OSBP2: variants seen among roughly 807,000 people sequenced by gnomAD.
The protein encoded by OSBP2 is oxysterol-binding protein 2.
OSBP2 carries 66 observed loss-of-function variants against 96.0 expected under a neutral mutation model. The observed-to-expected ratio is 0.69, with a 90% CI of 0.56 to 0.84. The LOEUF (loss-of-function observed/expected upper bound fraction) is 0.84, where lower values mean the gene tolerates loss of function less well. Among genes scored for constraint, OSBP2 ranks in the 40% least tolerant of loss-of-function variants. OSBP2 has a pLI of 0.00. For missense variants in OSBP2, 1,038 were observed against 1,222.7 expected (o/e 0.85, Z 2.25); for synonymous variants, 525 against 520.9 (o/e 1.01, Z -0.11).
At chr22:30,802,052 C>G (rs1179460833) in intron 2 of OSBP2, among the ~76,000 whole-genome samples, 3 of 152,200 alleles carry the variant, frequency 2.0e-5, no homozygotes, top group Non-Finnish European at 4.4e-5. Context: ...GTATCCTCAT[C>G]TTGGACTCCA....
chr22:30,842,419 G>C (rs955335890), intron 2 of OSBP2, among the ~76,000 whole-genome samples: 1 of 152,030 alleles, frequency 6.6e-6, no homozygotes, highest in Non-Finnish European at 1.5e-5. Context: ...TGATCAGCGT[G>C]GTGATTGCTG....
At chr22:30,721,845 A>T (rs1046537306) in intron 1 of OSBP2, among the ~76,000 whole-genome samples, 1 of 152,178 alleles carries the variant, frequency 6.6e-6, no homozygotes, top group African/African-American at 2.4e-5. Flanking sequence ...TCAATCTTTC[A>T]CTTGGCTTAG....
At chr22:30,749,260 T>A (rs1187381523) in intron 2 of OSBP2, among the ~76,000 whole-genome samples, 1 of 152,226 alleles carries the variant, frequency 6.6e-6, no homozygotes, top group Non-Finnish European at 1.5e-5. Flanking sequence ...TATTTTTAAA[T>A]CAAAACCTAC....
intron 12 of OSBP2, among the ~76,000 whole-genome samples, chr22:30,905,525 A>G (rs2147201612): frequency 6.6e-6 from 1 of 152,308 alleles, no homozygotes; most frequent in East Asian, 1.9e-4. Context: ...AAAAAAAAAC[A>G]TAATAGAAAA....
intron 2 of OSBP2, among the ~76,000 whole-genome samples, chr22:30,831,370 T>C (rs959820077): frequency 6.6e-6 from 1 of 152,234 alleles, no homozygotes; most frequent in Non-Finnish European, 1.5e-5. Flanking sequence ...GCTCGTCAGC[T>C]GCACTGTCTC....
chr22:30,856,588 C>T (rs532422668), intron 2 of OSBP2, among the ~76,000 whole-genome samples: 1,554 of 151,494 alleles, frequency 0.01, 24 homozygotes, highest in African/African-American at 0.034. Context: ...GATTTTGCCA[C>T]GTTGGTCAGG....
At chr22:30,797,136 A>G (rs938210093) in intron 2 of OSBP2, among the ~76,000 whole-genome samples, 1 of 152,132 alleles carries the variant, frequency 6.6e-6, no homozygotes, top group African/African-American at 2.4e-5. Context: ...CCTTAGCATA[A>G]TGTCTTCCAG....
At chr22:30,844,852 C>T (rs1448585844) in intron 2 of OSBP2, among the ~76,000 whole-genome samples, 1 of 152,150 alleles carries the variant, frequency 6.6e-6, no homozygotes, top group Non-Finnish European at 1.5e-5. Flanking sequence ...TGGTTTTTAG[C>T]TTTTGATTTA....
At chr22:30,857,915 G>T (rs188463694) in intron 2 of OSBP2, among the ~76,000 whole-genome samples, 1 of 152,084 alleles carries the variant, frequency 6.6e-6, no homozygotes, top group Non-Finnish European at 1.5e-5. Context: ...TGCAGAACTC[G>T]GCCAACCCAG....
intron 2 of OSBP2, among the ~76,000 whole-genome samples, chr22:30,855,038 T>A (rs928485637): frequency 2.0e-5 from 3 of 152,182 alleles, no homozygotes; most frequent in Non-Finnish European, 2.9e-5. Flanking sequence ...GGGAAACTGC[T>A]TGCATGATTC....
rs1236082989 is a variant in OSBP2 at position 30,802,898 on chromosome 22, TC to T, written c.853+61531del. On this transcript the variant is annotated intron_variant, in intron 2 of 13. Transcript: ENST00000332585. ...GGAGCGGGCGCACGGCTCCTCTAGG[TC>T]CGGCTGCTCTCTGAGCTCGCGGGCT... Among the ~76,000 whole-genome samples, 6 of 152,018 alleles carry T rather than the reference TC, an allele frequency of 3.9e-5. No homozygotes were observed. In the East Asian group the frequency reaches 1.2e-3, roughly 30 times the overall value.
At chr22:30,894,229 C>A in intron 12 of OSBP2, 1 of 509,506 alleles carries the variant, frequency 2.0e-6, no homozygotes, top group East Asian at 3.0e-5. Context: ...TAGGACAGAG[C>A]CCCTCCCTGT....
intron 2 of OSBP2, among the ~76,000 whole-genome samples, chr22:30,777,709 C>T (rs974851810): frequency 2.0e-5 from 3 of 152,150 alleles, no homozygotes; most frequent in Non-Finnish European, 2.9e-5. Flanking sequence ...ACAGTGACAG[C>T]GCATGCAGCC....
At chr22:30,777,821 C>T (rs1415654789) in intron 2 of OSBP2, among the ~76,000 whole-genome samples, 2 of 152,088 alleles carry the variant, frequency 1.3e-5, no homozygotes, top group African/African-American at 4.8e-5. Context: ...GGCTGGTTCA[C>T]ACACGTGCTC....
intron 7 of OSBP2, 27 bp downstream of exon 7, chr22:30,889,663 G>T: frequency 6.2e-7 from 1 of 1,611,204 alleles, no homozygotes; most frequent in Non-Finnish European, 8.5e-7. Context: ...GGGCAGCCCC[G>T]ACAGGTCCTC....
chr22:30,822,489 T>G, intron 2 of OSBP2: 2 of 1,135,348 alleles, frequency 1.8e-6, no homozygotes, highest in Non-Finnish European at 2.3e-6. Context: ...CAGTGGTGCA[T>G]TGTGGTAACG....
At chr22:30,860,015 C>A (rs1347323556) in intron 2 of OSBP2, among the ~76,000 whole-genome samples, 1 of 152,124 alleles carries the variant, frequency 6.6e-6, no homozygotes, top group Non-Finnish European at 1.5e-5. Context: ...CTGGAACTTG[C>A]TATTATGGGA....
chr22:30,806,287 T>C (rs2090926737), intron 2 of OSBP2, among the ~76,000 whole-genome samples: 1 of 152,160 alleles, frequency 6.6e-6, no homozygotes, highest in Non-Finnish European at 1.5e-5. Context: ...ATCTCCAGGC[T>C]CACAATCCAG....
chr22:30,890,856 T>C lies in OSBP2; in HGVS notation c.1752T>C (p.Ser584=), dbSNP rs61729258. ...VEQMCLVAAF[S]VSSYSTTVHR... is the part of the protein sequence containing the mutation. ...AGATGTGCCTGGTGGCCGCCTTCTC[T>C]GTGTCCTCCTACTCCACCACAGTGC... The change falls in exon 8 of 14, where the codon TCT becomes TCC. Residue 584 remains serine (S), a synonymous_variant. Transcript: ENST00000332585. This position sits in a 1 kb window ranked among gnomAD's most constrained non-coding sequence, Gnocchi z 4.4. 3.2e-3 allele frequency: 5,179 copies of C among 1,613,834 alleles called. 160 individuals are homozygous for C. In the African/African-American group the frequency reaches 0.062, roughly 19 times the overall value.
Sources: gnomAD v4.1 joint callset for allele counts (sites outside exome capture counted in the v4.1 genomes callset) on GRCh38, gnomAD v4.1.1 for gene constraint, Gnocchi (gnomAD v3.1) non-coding constraint, MANE v1.5 for transcripts, NCBI Gene and HGNC (gene_info 2026-07-23, HGNC 2026-07-21) for gene names.